The following SYNE2 variants were observed in gnomAD, a reference collection of about 807,000 sequenced individuals.
The protein encoded by SYNE2 is nesprin-2.
Under a neutral mutation model 856.3 loss-of-function variants are expected in SYNE2, and 431 were observed. The observed-to-expected ratio is 0.50, with a 90% CI of 0.47 to 0.55. The LOEUF is 0.55. Among genes scored for constraint, SYNE2 ranks in the 20% least tolerant of loss-of-function variants. SYNE2 has a pLI of 0.00. For missense variants in SYNE2, 8,129 were observed against 8,023.2 expected (o/e 1.01, Z -0.50); for synonymous variants, 2,923 against 2,872.3 (o/e 1.02, Z -0.56).
In SYNE2 at chr14:64,030,959, T is replaced by C. The variant is rs561414677; in HGVS notation, c.6880-57T>C. ...AAGAGTACTCTGTGATTTACAAAAG[T>C]CAATTAACTTTTGTGGCAATTGAAT... On this transcript the variant is annotated intron_variant, in intron 44 of 115. Transcript: ENST00000555002. The C allele has an allele frequency of 1.3e-4, 170 of 1,309,296 alleles. No individual in the cohort carries two copies. In the African/African-American group the frequency reaches 2.3e-3, roughly 18 times the overall value. The allele number at this position is 1,309,296 out of a possible 1,614,324, so 81.1% of individuals were successfully genotyped here. A position where few individuals can be genotyped will look rare whatever the true frequency, so the allele number is the denominator to read the frequency against.
In SYNE2 at chr14:63,949,129, G is replaced by A. The variant is rs973804410; in HGVS notation, c.409-696G>A. ...AGAGAAATGTATTAAATACTTTTAC[G>A]TTTATGGATTTATCTTTTAATGTTT... On this transcript the variant is annotated intron_variant, in intron 6 of 115. Transcript: ENST00000555002. 7.9e-5 allele frequency among the ~76,000 whole-genome samples: 12 copies of A among 151,960 alleles called. No homozygotes were observed. The South Asian group carries it at 8.3e-4, about 11-fold the overall frequency.
chr14:64,162,522 C>T, intron 88 of SYNE2: 1 of 540,696 alleles, frequency 1.8e-6, no homozygotes. Context: ...TGTGCTTTCT[C>T]TCTAGTGTTA....
At chr14:64,064,580 G>T (rs1280291569) in intron 50 of SYNE2, among the ~76,000 whole-genome samples, 1 of 140,738 alleles carries the variant, frequency 7.1e-6, no homozygotes. Context: ...ATAAGACAGG[G>T]TCTTGTTCTG....
Position 64,190,545 on chromosome 14 carries a change from C to T in SYNE2, c.18038+308C>T, listed in dbSNP as rs1337824289. ...GGGGTATTGTTTAGAAATTCTGCCT[C>T]TGTGTTAGCATTTGTGTGTCCCCAC... On this transcript the variant is annotated intron_variant, in intron 99 of 115. Transcript: ENST00000555002. The T allele has an allele frequency of 1.0e-4, 69 of 685,634 alleles. 1 individual carries two copies. The highest frequency in any genetic ancestry group is 9.4e-4 in the Middle Eastern group (4 of 4,276). 42.5% of individuals were successfully genotyped at this position (685,634 alleles called of 1,614,324 possible).
chr14:64,162,590 A>G (rs1276273903), intron 88 of SYNE2: 2 of 409,154 alleles, frequency 4.9e-6, no homozygotes, highest in Non-Finnish European at 9.3e-6. Flanking sequence ...GTCTCAACTG[A>G]GTGTGACCCT....
chr14:64,090,405 G>T (rs2097600625), intron 59 of SYNE2, among the ~76,000 whole-genome samples: 2 of 152,202 alleles, frequency 1.3e-5, no homozygotes, highest in Non-Finnish European at 2.9e-5. Flanking sequence ...TGGATCAGAT[G>T]TTATTAAAGC....
intron 1 of SYNE2, among the ~76,000 whole-genome samples, chr14:63,867,381 T>TAAAAAAAAAA (rs561880955): frequency 1.5e-5 from 2 of 129,468 alleles, no homozygotes; most frequent in African/African-American, 5.5e-5. Flanking sequence ...TTCCTCCTCT[T>TAAAAAAAAAA]AAAAAAAAAA....
At chr14:64,030,506 G>C (rs948066631) in intron 44 of SYNE2, among the ~76,000 whole-genome samples, 1 of 152,150 alleles carries the variant, frequency 6.6e-6, no homozygotes, top group Admixed American at 6.5e-5. Context: ...TTTCAGTCTA[G>C]AGTTTTAAAA....
chr14:63,985,380 C>T (rs1484657476), intron 18 of SYNE2, among the ~76,000 whole-genome samples: 1 of 150,738 alleles, frequency 6.6e-6, no homozygotes, highest in Non-Finnish European at 1.5e-5. Flanking sequence ...AAATATAAGC[C>T]ATTATAATTT....
intron 2 of SYNE2, among the ~76,000 whole-genome samples, chr14:63,923,009 C>T (rs1309539569): frequency 1.3e-5 from 2 of 152,262 alleles, no homozygotes; most frequent in African/African-American, 2.4e-5. Context: ...GCTCACATAC[C>T]TTGATTTTTC....
Position 64,120,939 on chromosome 14 carries a change from C to T in SYNE2, c.13036C>T (p.Leu4346=). The T allele has an allele frequency of 1.2e-6, 2 of 1,614,078 alleles. No homozygotes were observed. The highest frequency in any genetic ancestry group is 2.2e-5 in the South Asian group (2 of 91,080). ...AAATGTTTTGCAGCATCCTACCATTCTAAAGAAATCCTCAGAGCCAGAGCA... is the reference window on the plus strand; with the variant it reads ...AAATGTTTTGCAGCATCCTACCATTTTAAAGAAATCCTCAGAGCCAGAGCA... ...KHSEDQHPTI[L]KKSSEPEHQE... is the part of the protein sequence containing the mutation. The change falls in exon 68 of 116, where the codon CTA becomes TTA. Residue 4346 remains leucine, a synonymous_variant. Coordinates refer to ENST00000555002, the MANE Select transcript of SYNE2 (RefSeq NM_182914.3).
chr14:64,120,280 C>T (rs2097888476), intron 67 of SYNE2, among the ~76,000 whole-genome samples: 1 of 152,078 alleles, frequency 6.6e-6, no homozygotes, highest in South Asian at 2.1e-4. Flanking sequence ...TGTATTTTAG[C>T]CATAGGGGAA....
rs1399015650 is a variant in SYNE2, at chr14:64,158,767, C to T, written c.15935C>T (p.Thr5312Ile). 6.2e-7 allele frequency: 1 copy of T among 1,613,820 alleles called. No homozygotes were observed. Among genetic ancestry groups the T allele is most frequent in the Admixed American group, 1.7e-5 (1 of 59,990 alleles). Residue 5312 changes from threonine to isoleucine, a missense_variant, in exon 86 of 116, where the codon ACC becomes ATC. Physicochemically the swap from Thr to Ile is moderately conservative, Grantham distance 89. Transcript: ENST00000555002. ...AAGCCTGTGGTGTTATCATTGGAGA[C>T]CTTGAGATGCCAGGTGGAGAACCTT... is the stretch of plus-strand genomic sequence containing the variant. ...HSKPVVLSLE[T>I]LRCQVENLQS...
chr14:64,207,237 C>CT (rs1445542405), intron 100 of SYNE2, among the ~76,000 whole-genome samples: 1 of 152,148 alleles, frequency 6.6e-6, no homozygotes, highest in Non-Finnish European at 1.5e-5. Context: ...TTATATCAAC[C>CT]TAAACACTCA....
intron 1 of SYNE2, among the ~76,000 whole-genome samples, chr14:63,834,001 G>A (rs572004774): frequency 6.6e-6 from 1 of 152,152 alleles, no homozygotes; most frequent in African/African-American, 2.4e-5. Context: ...AATGATAAAT[G>A]TACCAACATA....
chr14:63,909,071 A>G (rs2095441687), intron 1 of SYNE2, 27 bp from the exon 2 acceptor site: 3 of 1,055,260 alleles, frequency 2.8e-6, no homozygotes, highest in Non-Finnish European at 4.4e-6. Flanking sequence ...AAAGTTACTA[A>G]TGAACATTTA....
At chr14:63,948,146 T>G (rs1338116615) in intron 6 of SYNE2, among the ~76,000 whole-genome samples, 1 of 119,738 alleles carries the variant, frequency 8.4e-6, no homozygotes, top group Admixed American at 9.2e-5. Flanking sequence ...TGCGCGCACA[T>G]ACACACACAG....
At chr14:63,972,888 T>C (rs2096490697) in intron 11 of SYNE2, among the ~76,000 whole-genome samples, 1 of 152,244 alleles carries the variant, frequency 6.6e-6, no homozygotes, top group South Asian at 2.1e-4. Flanking sequence ...TTATCAAATT[T>C]CTGTTTTATC....
intron 45 of SYNE2, among the ~76,000 whole-genome samples, chr14:64,047,069 G>A (rs1189799555): frequency 1.3e-5 from 2 of 152,226 alleles, no homozygotes; most frequent in Non-Finnish European, 2.9e-5. Context: ...CCCACACTTG[G>A]TGGGTCCCAA....
Sources: allele counts gnomAD v4.1 joint callset (sites outside exome capture counted in the v4.1 genomes callset), GRCh38; gene constraint gnomAD v4.1.1; transcripts MANE v1.5; gene names NCBI Gene and HGNC (gene_info 2026-07-23, HGNC 2026-07-21).